The following PTPN13 variants were observed in gnomAD, a reference collection of about 807,000 sequenced individuals.
PTPN13 encodes protein tyrosine phosphatase non-receptor type 13.
In PTPN13, 191 loss-of-function variants were observed where a neutral mutation model predicts 284.0. That is an observed-to-expected ratio of 0.67 (90% confidence interval 0.60 to 0.76). The LOEUF (loss-of-function observed/expected upper bound fraction) is 0.76, where lower values mean the gene tolerates loss of function less well. Ranked by LOEUF, PTPN13 falls within the 30% of genes least tolerant of loss-of-function variation. The probability of loss-of-function intolerance (pLI) is 0.00; values close to 1 mark genes in which losing one functional copy is unlikely to be tolerated. For missense variants in PTPN13, 2,797 were observed against 2,939.9 expected, an observed-to-expected ratio of 0.95 and a Z score of 1.12; for synonymous variants, 986 against 1,022.3, an observed-to-expected ratio of 0.96 and a Z score of 0.68.
intron 3 of PTPN13, among the ~76,000 whole-genome samples, chr4:86,675,016 G>A (rs1044396778): frequency 1.3e-5 from 2 of 152,250 alleles, no homozygotes; most frequent in South Asian, 2.1e-4. Flanking sequence ...AAAGTGCTTA[G>A]TAGAAATTTG....
intron 23 of PTPN13, among the ~76,000 whole-genome samples, chr4:86,762,432 GAA>G (rs1738806465): frequency 6.6e-6 from 1 of 152,206 alleles, no homozygotes; most frequent in Non-Finnish European, 1.5e-5. Context: ...GGGACACTAA[GAA>G]AGTATAAATT....
chr4:86,636,071 C>T (rs1001734951), intron 2 of PTPN13, among the ~76,000 whole-genome samples: 5 of 152,088 alleles, frequency 3.3e-5, no homozygotes, highest in African/African-American at 9.7e-5. Flanking sequence ...TTCAGTGACT[C>T]TCTGAGAACT....
chr4:86,695,645 CCT>C (rs1007468940), intron 6 of PTPN13, among the ~76,000 whole-genome samples: 23 of 151,312 alleles, frequency 1.5e-4, no homozygotes, highest in Non-Finnish European at 4.4e-5. Flanking sequence ...CTATTTTCTC[CCT>C]CTCTTTCTTT....
At chr4:86,627,999 A>G (rs1722030560) in intron 1 of PTPN13, among the ~76,000 whole-genome samples, 1 of 152,134 alleles carries the variant, frequency 6.6e-6, no homozygotes, top group Non-Finnish European at 1.5e-5. Flanking sequence ...TTTAGCTGTT[A>G]CAATTAAAAC....
chr4:86,630,811 G>A (rs926474295), intron 1 of PTPN13, among the ~76,000 whole-genome samples: 2 of 152,070 alleles, frequency 1.3e-5, no homozygotes, highest in Non-Finnish European at 2.9e-5. Context: ...ATTGGATTTA[G>A]TTAATCTGTT....
At chr4:86,645,813 T>C (rs1724359384) in intron 2 of PTPN13, among the ~76,000 whole-genome samples, 1 of 152,168 alleles carries the variant, frequency 6.6e-6, no homozygotes, top group South Asian at 2.1e-4. Context: ...TATTTTTTTT[T>C]GTAGAAAATG....
intron 16 of PTPN13, among the ~76,000 whole-genome samples, 168 bp downstream of exon 16, chr4:86,741,984 T>A (rs1736218958): frequency 6.6e-6 from 1 of 152,190 alleles, no homozygotes; most frequent in Non-Finnish European, 1.5e-5. Context: ...GAGATTTTAT[T>A]TATGTCTGGT....
intron 7 of PTPN13, among the ~76,000 whole-genome samples, chr4:86,715,497 C>T (rs182527409): frequency 4.8e-4 from 73 of 152,216 alleles, no homozygotes; most frequent in Non-Finnish European, 8.5e-4. Flanking sequence ...GAGGCTGAGA[C>T]GAGAAGATAG....
intron 31 of PTPN13, among the ~76,000 whole-genome samples, chr4:86,771,954 A>T (rs934454015): frequency 1.3e-5 from 2 of 152,228 alleles, no homozygotes; most frequent in Non-Finnish European, 2.9e-5. Context: ...GATTGAAAAC[A>T]TAGAAGCATA....
At chr4:86,600,107 A>T (rs923439386) in intron 1 of PTPN13, among the ~76,000 whole-genome samples, 3 of 152,162 alleles carry the variant, frequency 2.0e-5, no homozygotes, top group Admixed American at 2.0e-4. Flanking sequence ...TAACATGAGC[A>T]TAAAGGTGTG....
At chr4:86,679,430 A>G (rs536065386) in intron 3 of PTPN13, among the ~76,000 whole-genome samples, 21 of 152,160 alleles carry the variant, frequency 1.4e-4, no homozygotes, top group Non-Finnish European at 2.9e-4. Flanking sequence ...TGGTCCCTCC[A>G]ATCAGCAGCA....
At chr4:86,757,000 G>C (rs1738051709) in intron 20 of PTPN13, among the ~76,000 whole-genome samples, 1 of 152,066 alleles carries the variant, frequency 6.6e-6, no homozygotes, top group Admixed American at 6.5e-5. Context: ...GGAATATGTT[G>C]AACGAACTGA....
intron 21 of PTPN13, 92 bp downstream of exon 21, chr4:86,758,441 A>G (rs907908200): frequency 8.9e-7 from 1 of 1,127,738 alleles, no homozygotes; most frequent in Non-Finnish European, 1.3e-6. Flanking sequence ...GTGCCAGCTC[A>G]CTTCTGGTCT....
chr4:86,685,894 CTGTT>C (rs536903593), intron 3 of PTPN13, among the ~76,000 whole-genome samples: 95 of 152,258 alleles, frequency 6.2e-4, no homozygotes, highest in Middle Eastern at 3.4e-3. Context: ...ACTTACAAGG[CTGTT>C]TGCTGAAACA....
Position 86,807,916 on chromosome 4 carries a change from T to C in PTPN13, c.7083+19T>C, listed in dbSNP as rs1392111672. 1 of 1,586,010 alleles carries C rather than the reference T, an allele frequency of 6.3e-7. No homozygotes were observed. Among genetic ancestry groups the C allele is most frequent in the African/African-American group, 1.3e-5 (1 of 74,444 alleles). ...TATTCAGGTAAGTGAATGAAATCTT[T>C]CCCTGTTGGAAGGTGTATCTCCTAG... On this transcript the variant is annotated intron_variant, in intron 45 of 47. Transcript: ENST00000411767.
chr4:86,607,865 T>A (rs1210706891), intron 1 of PTPN13, among the ~76,000 whole-genome samples: 1 of 152,088 alleles, frequency 6.6e-6, no homozygotes, highest in Non-Finnish European at 1.5e-5. Flanking sequence ...AGCGCCGAGT[T>A]CCTATAAAAC....
intron 42 of PTPN13, among the ~76,000 whole-genome samples, chr4:86,800,724 A>G (rs533639455): frequency 2.9e-4 from 44 of 151,754 alleles, no homozygotes; most frequent in Non-Finnish European, 4.9e-4. Context: ...GGGAGGGAGG[A>G]AGGAAGGAAG....
intron 27 of PTPN13, 79 bp downstream of exon 27, chr4:86,766,596 G>A: frequency 9.6e-7 from 1 of 1,045,970 alleles, no homozygotes. Flanking sequence ...TTCTCATTGA[G>A]ATCTCTAAAT....
intron 1 of PTPN13, among the ~76,000 whole-genome samples, chr4:86,605,942 T>C (rs972939478): frequency 1.3e-5 from 2 of 151,868 alleles, no homozygotes; most frequent in African/African-American, 4.8e-5. Flanking sequence ...AGTGATGGCC[T>C]CAGTCCACAT....
Sources: gnomAD v4.1 joint callset for allele counts (sites outside exome capture counted in the v4.1 genomes callset) on GRCh38, gnomAD v4.1.1 for gene constraint, MANE v1.5 for transcripts, NCBI Gene and HGNC (gene_info 2026-07-23, HGNC 2026-07-21) for gene names.